Variants in LMO1 observed in about 807,000 individuals in gnomAD.
The protein encoded by LMO1 is LIM domain only 1, also known as rhombotin-1.
Under a neutral mutation model 18.0 loss-of-function variants are expected in LMO1, and 10 were observed. That is an observed-to-expected ratio of 0.55 (90% CI 0.34 to 0.94). The LOEUF is 0.94. Ranked by LOEUF, LMO1 falls within the 40% of genes least tolerant of loss-of-function variation. The pLI is 0.02. For missense variants in LMO1, 183 were observed against 205.7 expected (o/e 0.89, Z 0.68); for synonymous variants, 77 against 77.9 (o/e 0.99, Z 0.06).
intron 1 of LMO1, among the ~76,000 whole-genome samples, chr11:8,247,134 C>A (rs1846908622): frequency 1.3e-5 from 2 of 152,242 alleles, no homozygotes; most frequent in African/African-American, 4.8e-5. Flanking sequence ...CTATGCCCTA[C>A]CTGCAAACTG....
upstream of LMO1, among the ~76,000 whole-genome samples, chr11:8,265,531 T>G (rs1195365997): frequency 6.6e-6 from 1 of 152,200 alleles, no homozygotes; most frequent in Non-Finnish European, 1.5e-5. Context: ...ACTTTCCCCT[T>G]CATCTTGAAT....
At chr11:8,257,016 C>T (rs1180968857) in intron 1 of LMO1, among the ~76,000 whole-genome samples, 1 of 152,188 alleles carries the variant, frequency 6.6e-6, no homozygotes, top group Non-Finnish European at 1.5e-5. Context: ...CAGTGGTGTG[C>T]TGATGCATGC....
upstream of LMO1, among the ~76,000 whole-genome samples, chr11:8,264,330 C>T (rs1035158466): frequency 1.3e-5 from 2 of 152,160 alleles, no homozygotes; most frequent in Admixed American, 6.5e-5. Flanking sequence ...TCTCTCGAAG[C>T]AAGCACAGGC....
At chr11:8,230,935 C>A (rs948642575) in intron 1 of LMO1, among the ~76,000 whole-genome samples, 1 of 152,230 alleles carries the variant, frequency 6.6e-6, no homozygotes, top group African/African-American at 2.4e-5. Context: ...CCTCTAGAAC[C>A]CCCAGATCTT....
chr11:8,262,865 G>C (rs923459921), intron 1 of LMO1, among the ~76,000 whole-genome samples: 1 of 152,178 alleles, frequency 6.6e-6, no homozygotes, highest in Non-Finnish European at 1.5e-5. Context: ...CTTGCCCCGA[G>C]CTCTGGAGCC....
intron 1 of LMO1, among the ~76,000 whole-genome samples, chr11:8,254,379 T>C (rs748847295): frequency 6.6e-6 from 1 of 152,300 alleles, no homozygotes; most frequent in East Asian, 1.9e-4. Context: ...AAATATTGCT[T>C]TTCAATCAGC....
At chr11:8,262,385 C>T (rs1252425683) in intron 1 of LMO1, among the ~76,000 whole-genome samples, 1 of 152,224 alleles carries the variant, frequency 6.6e-6, no homozygotes, top group African/African-American at 2.4e-5. Context: ...TACTGCCTCT[C>T]TCCTTACCCT....
In LMO1 at chr11:8,230,586, C is replaced by A. The variant is rs947457264; in HGVS notation, c.26-82G>T. ...AGGAATATCCCCCAAGAATGGGGAGCTCACTGCTTCTCTCTGCTGCCCCCT... is the reference window on the plus strand; with the variant it reads ...AGGAATATCCCCCAAGAATGGGGAGATCACTGCTTCTCTCTGCTGCCCCCT... On this transcript the variant is annotated intron_variant, in intron 1 of 3. Transcript: ENST00000335790. 5.0e-5 allele frequency: 68 copies of A among 1,366,314 alleles called. No homozygotes were observed. In the African/African-American group the frequency reaches 8.8e-4, roughly 18 times the overall value. The allele number at this position is 1,366,314 out of a possible 1,614,324, so 84.6% of individuals were successfully genotyped here.
rs756484062 is a variant in LMO1 at position 8,230,386 on chromosome 11, G to A, written c.144C>T (p.Cys48=). 1 of 1,614,076 alleles carries A rather than the reference G, an allele frequency of 6.2e-7. No individual in the cohort carries two copies. The highest frequency in any genetic ancestry group is 1.3e-5 in the African/African-American group (1 of 75,066). Residue 48 remains cysteine, a synonymous_variant, in exon 2 of 4, where the codon TGC becomes TGT. Transcript: ENST00000335790. ...KALDKYWHED[C]LKCACCDCRL... ...GGCAGTCACAGCAGGCACACTTGAG[G>A]CAGTCTTCGTGCCAGTACTTGTCCA... is the stretch of plus-strand genomic sequence containing the variant.
intron 1 of LMO1, among the ~76,000 whole-genome samples, chr11:8,239,379 G>C (rs1846745010): frequency 6.6e-6 from 1 of 152,222 alleles, no homozygotes; most frequent in South Asian, 2.1e-4. Flanking sequence ...ACTGCTGTGG[G>C]ATCTTGAAAG....
intron 1 of LMO1, among the ~76,000 whole-genome samples, chr11:8,241,523 C>A (rs1846792749): frequency 6.6e-6 from 1 of 152,236 alleles, no homozygotes; most frequent in Non-Finnish European, 1.5e-5. Flanking sequence ...CCCTCCCACA[C>A]TGTGCTCCAG....
In LMO1 at chr11:8,263,365, C is replaced by G. The variant is rs1269006718; in HGVS notation, c.-3G>C. ...TCCTCCTTGTCCAGCACCATCATCT[C>G]GGGCGCTCCGTGTCCAGCCGCAGCT... is the stretch of plus-strand genomic sequence containing the variant. On this transcript the variant is annotated 5_prime_UTR_variant, in exon 1 of 4. Transcript: ENST00000335790. 1.2e-6 allele frequency: 2 copies of G among 1,604,960 alleles called. No homozygotes were observed. The highest frequency in any genetic ancestry group is 1.7e-6 in the Non-Finnish European group (2 of 1,178,790).
At chr11:8,266,646 T>C (rs1236004574), upstream of LMO1, among the ~76,000 whole-genome samples, 1 of 152,156 alleles carries the variant, frequency 6.6e-6, no homozygotes, top group Non-Finnish European at 1.5e-5. Context: ...TCTGGGCAGG[T>C]CCCAGCAATT....
rs776441975 is a variant in LMO1, at chr11:8,230,277, G to A, written c.239+14C>T. 7.4e-6 allele frequency: 12 copies of A among 1,612,192 alleles called. No individual in the cohort carries two copies. The highest frequency in any genetic ancestry group is 1.0e-5 in the Non-Finnish European group (12 of 1,179,258). On this transcript the variant is annotated intron_variant, in intron 2 of 3. Transcript: ENST00000335790. Reference sequence around the variant, plus strand: ...CAGGACAAGGGCTTGGGAGGCCAGGGTTTGGCAGCCCACCTCAGGTAGTCG... The same window carrying A: ...CAGGACAAGGGCTTGGGAGGCCAGGATTTGGCAGCCCACCTCAGGTAGTCG...
chr11:8,257,708 A>T (rs1218453578), intron 1 of LMO1, among the ~76,000 whole-genome samples: 3 of 152,016 alleles, frequency 2.0e-5, no homozygotes, highest in African/African-American at 7.3e-5. Context: ...GGTCCTAGAG[A>T]CCTCTTCCCA....
chr11:8,252,445 G>C (rs529886793), intron 1 of LMO1, among the ~76,000 whole-genome samples: 2 of 152,328 alleles, frequency 1.3e-5, no homozygotes, highest in East Asian at 3.9e-4. Flanking sequence ...CAGTGATCCT[G>C]CCTCCTGGCA....
chr11:8,263,863 T>G lies in LMO1; in HGVS notation c.-501A>C. Reference sequence around the variant, plus strand: ...ATCTCGTGGCCGTCTCCCGCTGCCTTTCTCCCTCAATGTATGAGGTTTGCA... The same window carrying G: ...ATCTCGTGGCCGTCTCCCGCTGCCTGTCTCCCTCAATGTATGAGGTTTGCA... On this transcript the variant is annotated 5_prime_UTR_variant, in exon 1 of 4. Coordinates refer to ENST00000335790, the MANE Select transcript of LMO1 (RefSeq NM_002315.3). 1 of 1,039,434 alleles carries G rather than the reference T, an allele frequency of 9.6e-7. No homozygotes were observed. Among genetic ancestry groups the G allele is most frequent in the Non-Finnish European group, 1.2e-6 (1 of 865,106 alleles). 64.4% of individuals were successfully genotyped at this position (1,039,434 alleles called of 1,614,324 possible). A position where few individuals can be genotyped will look rare whatever the true frequency, so the allele number is the denominator to read the frequency against.
At chr11:8,241,581 A>G (rs773989534) in intron 1 of LMO1, among the ~76,000 whole-genome samples, 21 of 152,078 alleles carry the variant, frequency 1.4e-4, no homozygotes, top group Non-Finnish European at 3.1e-4. Context: ...ACATGCTATT[A>G]CCTTCCCAGA....
At position 8,255,818 on chromosome 11, in the gene LMO1, C is replaced by CTTTTTTTTTTTTT. The variant is rs57425549; in HGVS notation, c.25+7507_25+7519dup. Among the ~76,000 whole-genome samples, 3 of 86,344 alleles carry CTTTTTTTTTTTTT rather than the reference C, an allele frequency of 3.5e-5. 1 individual carries two copies. The highest frequency in any genetic ancestry group is 5.0e-5 in the African/African-American group (1 of 19,996). The allele number at this position is 86,344 out of a possible 152,430, so 56.6% of individuals were successfully genotyped here. A position where few individuals can be genotyped will look rare whatever the true frequency, so the allele number is the denominator to read the frequency against. On this transcript the variant is annotated intron_variant, in intron 1 of 3. Coordinates refer to ENST00000335790, the MANE Select transcript of LMO1 (RefSeq NM_002315.3). Reference sequence around the variant, plus strand: ...TACATACAGATAGCACAATGCCGCACTTTTTTTTTTTTTTTTTTTTTTTTT... The same window carrying CTTTTTTTTTTTTT: ...TACATACAGATAGCACAATGCCGCACTTTTTTTTTTTTTTTTTTTTTTTTTTTTTTTTTTTTTT...
Sources: gnomAD v4.1 joint callset for allele counts (sites outside exome capture counted in the v4.1 genomes callset) on GRCh38, gnomAD v4.1.1 for gene constraint, MANE v1.5 for transcripts, NCBI Gene and HGNC (gene_info 2026-07-23, HGNC 2026-07-21) for gene names.